METTL15: variants seen among roughly 807,000 people sequenced by gnomAD.
METTL15 encodes methyltransferase 15, mitochondrial 12S rRNA N4-cytidine.
METTL15 carries 34 observed loss-of-function variants against 38.3 expected under a neutral mutation model. The ratio of observed to expected loss-of-function variants is 0.89; its 90% CI spans 0.68 to 1.18. The LOEUF is 1.18. Among genes scored for constraint, METTL15 ranks in the 50% most tolerant of loss-of-function variants. The pLI, the probability that METTL15 is intolerant of heterozygous loss-of-function variation, is 0.00. For missense variants in METTL15, 438 were observed against 498.4 expected (o/e 0.88, Z 1.15); for synonymous variants, 162 against 170.9 (o/e 0.95, Z 0.41).
At chr11:28,330,170 C>T (rs1399695620) in intron 6 of METTL15, among the ~76,000 whole-genome samples, 1 of 152,128 alleles carries the variant, frequency 6.6e-6, no homozygotes, top group Non-Finnish European at 1.5e-5. Flanking sequence ...CCTTGTTAAA[C>T]TCCAATTATC....
At chr11:28,212,278 G>A (rs1039666333) in intron 4 of METTL15, among the ~76,000 whole-genome samples, 4 of 151,916 alleles carry the variant, frequency 2.6e-5, no homozygotes, top group African/African-American at 9.7e-5. Flanking sequence ...CCATTTGACC[G>A]CAGATTATTT....
At chr11:28,372,967 G>A (rs1438275553) in intron 5 of METTL15, among the ~76,000 whole-genome samples, 1 of 151,260 alleles carries the variant, frequency 6.6e-6, no homozygotes, top group Non-Finnish European at 1.5e-5. Context: ...TTTTATGGCT[G>A]CATAGTATTC....
chr11:28,193,868 C>G (rs2133806940), intron 3 of METTL15, among the ~76,000 whole-genome samples: 1 of 152,212 alleles, frequency 6.6e-6, no homozygotes, highest in Admixed American at 6.5e-5. Flanking sequence ...AAAGTCCAGA[C>G]TCTTTAGTTT....
chr11:28,225,580 T>C (rs745648305), intron 4 of METTL15, among the ~76,000 whole-genome samples: 5 of 151,704 alleles, frequency 3.3e-5, no homozygotes, highest in Non-Finnish European at 5.9e-5. Context: ...CTTGGAAATC[T>C]ATTTCTCACT....
intron 3 of METTL15, among the ~76,000 whole-genome samples, chr11:28,164,297 A>G (rs1362807508): frequency 2.0e-5 from 3 of 152,114 alleles, no homozygotes; most frequent in Non-Finnish European, 4.4e-5. Context: ...GATGTCATAA[A>G]ACAAGAAATA....
chr11:28,500,455 A>G (rs1851572952), intron 6 of METTL15, among the ~76,000 whole-genome samples: 1 of 152,206 alleles, frequency 6.6e-6, no homozygotes, highest in Admixed American at 6.5e-5. Flanking sequence ...GGGTTTTCAC[A>G]ATGAATTTCT....
chr11:28,205,792 T>C (rs1216386783), intron 3 of METTL15, among the ~76,000 whole-genome samples: 15 of 143,834 alleles, frequency 1.0e-4, no homozygotes, highest in South Asian at 2.3e-4. Context: ...TTTTAATGAT[T>C]GCCATTCTAA....
At chr11:28,300,500 A>C (rs190439125) in intron 6 of METTL15, among the ~76,000 whole-genome samples, 1 of 152,202 alleles carries the variant, frequency 6.6e-6, no homozygotes, top group African/African-American at 2.4e-5. Context: ...AAATAACTAC[A>C]GTTCCAGTAC....
intron 3 of METTL15, among the ~76,000 whole-genome samples, chr11:28,154,732 A>G (rs1406030941): frequency 6.6e-6 from 1 of 152,112 alleles, no homozygotes; most frequent in East Asian, 1.9e-4. Flanking sequence ...AAGAAATGAC[A>G]CCTGCAAAAT....
intron 4 of METTL15, chr11:28,361,827 T>C (rs1043046694): frequency 1.8e-4 from 27 of 152,320 alleles, no homozygotes; most frequent in African/African-American, 6.3e-4. Flanking sequence ...GAGTAGTTTT[T>C]GCTCTAAAGC....
intron 5 of METTL15, among the ~76,000 whole-genome samples, chr11:28,404,153 C>T (rs1370128381): frequency 6.6e-6 from 1 of 151,838 alleles, no homozygotes; most frequent in African/African-American, 2.4e-5. Flanking sequence ...TTAAAGATAC[C>T]TTTTGGAAGT....
chr11:28,517,911 T>C (rs1851732655), intron 6 of METTL15, among the ~76,000 whole-genome samples: 2 of 152,200 alleles, frequency 1.3e-5, no homozygotes, highest in Admixed American at 1.3e-4. Flanking sequence ...TGTTTTTCCT[T>C]TTTCTTCCAA....
At chr11:28,352,148 T>C (rs1159798522) in exon 4 of METTL15, 1 of 152,198 alleles carries the variant, frequency 6.6e-6, no homozygotes, top group Non-Finnish European at 1.5e-5. Flanking sequence ...CTGCACCTCT[T>C]CACAGCATAG....
chr11:28,119,692 A>C (rs963094942), intron 3 of METTL15, among the ~76,000 whole-genome samples: 43 of 152,300 alleles, frequency 2.8e-4, no homozygotes, highest in African/African-American at 9.9e-4. Context: ...TAGCTTTGAT[A>C]ATTTTCTTTA....
chr11:28,163,681 C>G (rs748415205), intron 3 of METTL15: 4 of 383,118 alleles, frequency 1.0e-5, no homozygotes, highest in Admixed American at 4.5e-5. Context: ...TGGCTTATAC[C>G]CTGAGAACTT....
At chr11:28,463,563 T>C (rs980024521) in intron 6 of METTL15, among the ~76,000 whole-genome samples, 9 of 152,148 alleles carry the variant, frequency 5.9e-5, no homozygotes, top group African/African-American at 2.2e-4. Flanking sequence ...TTTCGAAGAT[T>C]GAAGGGCTCT....
At chr11:28,212,961 T>A (rs1474667188) in intron 4 of METTL15, among the ~76,000 whole-genome samples, 3 of 152,180 alleles carry the variant, frequency 2.0e-5, no homozygotes, top group African/African-American at 4.8e-5. Context: ...GTGTAATTTT[T>A]TTTTAACCTA....
chr11:28,134,937 T>C (rs1280947659), intron 3 of METTL15, among the ~76,000 whole-genome samples: 1 of 152,186 alleles, frequency 6.6e-6, no homozygotes, highest in African/African-American at 2.4e-5. Context: ...TTATGGGCTC[T>C]GTGTTTACTC....
At chr11:28,262,696 G>T (rs1406185164) in intron 4 of METTL15, among the ~76,000 whole-genome samples, 1 of 152,104 alleles carries the variant, frequency 6.6e-6, no homozygotes, top group African/African-American at 2.4e-5. Context: ...CATTAGGCAA[G>T]TATTTTTATA....
Sources: allele counts gnomAD v4.1 joint callset (sites outside exome capture counted in the v4.1 genomes callset), GRCh38; gene constraint gnomAD v4.1.1; transcripts MANE v1.5; gene names NCBI Gene and HGNC (gene_info 2026-07-23, HGNC 2026-07-21).